SEC63: variants seen among roughly 807,000 people sequenced by gnomAD.
SEC63 encodes the protein SEC63 protein translocation regulator.
In SEC63, 56 loss-of-function variants were observed where a neutral mutation model predicts 116.2. The ratio of observed to expected loss-of-function variants is 0.48; its 90% CI spans 0.39 to 0.60. The LOEUF (loss-of-function observed/expected upper bound fraction) is 0.60, where lower values mean the gene tolerates loss of function less well. Ranked by LOEUF, SEC63 falls within the 20% of genes least tolerant of loss-of-function variation. SEC63 has a pLI of 0.00. For missense variants in SEC63, 668 were observed against 900.0 expected, an observed-to-expected ratio of 0.74 and a Z score of 3.30; for synonymous variants, 273 against 294.6, an observed-to-expected ratio of 0.93 and a Z score of 0.75.
At chr6:107,874,188 A>G (rs894500670) in intron 19 of SEC63, among the ~76,000 whole-genome samples, 2 of 152,228 alleles carry the variant, frequency 1.3e-5, no homozygotes, top group East Asian at 3.8e-4. Flanking sequence ...TTGCTTGCCA[A>G]AAACACAAAG....
chr6:107,900,537 A>G (rs1786976742), intron 13 of SEC63, among the ~76,000 whole-genome samples: 1 of 152,080 alleles, frequency 6.6e-6, no homozygotes, highest in Admixed American at 6.6e-5. Flanking sequence ...AGTCCCAGCT[A>G]CTCAGGAGGC....
chr6:107,903,382 T>C (rs1787054086), intron 11 of SEC63, among the ~76,000 whole-genome samples: 1 of 152,002 alleles, frequency 6.6e-6, no homozygotes, highest in South Asian at 2.1e-4. Flanking sequence ...CCCTCATTCT[T>C]TTCCTTCCAT....
intron 17 of SEC63, among the ~76,000 whole-genome samples, chr6:107,882,333 G>A (rs183268778): frequency 1.1e-4 from 17 of 152,194 alleles, no homozygotes; most frequent in East Asian, 5.8e-4. Context: ...AGAAATGGCC[G>A]AGCAGTTTAT....
At chr6:107,939,589 T>C (rs1770329771) in intron 1 of SEC63, among the ~76,000 whole-genome samples, 1 of 151,954 alleles carries the variant, frequency 6.6e-6, no homozygotes, top group African/African-American at 2.4e-5. Context: ...CCATCTCTAC[T>C]AAAAATACAA....
intron 2 of SEC63, among the ~76,000 whole-genome samples, chr6:107,926,360 G>C (rs918964588): frequency 2.0e-5 from 3 of 152,234 alleles, no homozygotes; most frequent in Middle Eastern, 3.4e-3. Flanking sequence ...CACTGAGCAA[G>C]AACTGTTAGA....
intron 4 of SEC63, among the ~76,000 whole-genome samples, chr6:107,914,597 T>C (rs1044558384): frequency 6.6e-6 from 1 of 152,054 alleles, no homozygotes; most frequent in African/African-American, 2.4e-5. Flanking sequence ...CACAGAAAAA[T>C]ACAGGAGCCA....
chr6:107,954,325 ACTGCGGAAGGCCGCAGGGTC>A (rs1770658733), intron 1 of SEC63, among the ~76,000 whole-genome samples: 1 of 151,938 alleles, frequency 6.6e-6, no homozygotes, highest in African/African-American at 2.4e-5. Context: ...GGACACAAAC[ACTGCGGAAGGCCGCAGGGTC>A]CTCTGCCTAG....
intron 7 of SEC63, among the ~76,000 whole-genome samples, chr6:107,909,341 C>T (rs1414078101): frequency 1.3e-5 from 2 of 150,010 alleles, no homozygotes; most frequent in Non-Finnish European, 3.0e-5. Context: ...CATACTACTG[C>T]ACTCCATCCT....
At chr6:107,883,260 C>T (rs2114407081) in intron 16 of SEC63, 114 bp from the exon 17 acceptor site, 2 of 1,285,254 alleles carry the variant, frequency 1.6e-6, no homozygotes, top group Non-Finnish European at 1.1e-6. Context: ...ATGACAATTT[C>T]ACTATTCATA....
rs1017724126 is a variant in SEC63 at position 107,868,407 on chromosome 6, C to T, written c.*3297G>A. The T allele has an allele frequency of 3.9e-5, 6 of 151,986 alleles. No individual in the cohort carries two copies. Among genetic ancestry groups the T allele is most frequent in the Admixed American group, 6.6e-5 (1 of 15,246 alleles). 9.4% of individuals were successfully genotyped at this position (151,986 alleles called of 1,614,324 possible). A position where few individuals can be genotyped will look rare whatever the true frequency, so the allele number is the denominator to read the frequency against. The stretch of plus-strand genomic sequence containing the variant: ...CAGGCTGGACAACGTGGCAAAATCC[C>T]ATCTCTACTAAAAATTAAAAAATTA... On this transcript the variant is annotated 3_prime_UTR_variant, in exon 21 of 21. Coordinates refer to ENST00000369002, the MANE Select transcript of SEC63 (RefSeq NM_007214.5).
chr6:107,910,381 T>C (rs972728587), intron 7 of SEC63, among the ~76,000 whole-genome samples: 1 of 152,020 alleles, frequency 6.6e-6, no homozygotes, highest in African/African-American at 2.4e-5. Flanking sequence ...GTGGGAGGAT[T>C]TGCTTGAACC....
chr6:107,906,812 T>C lies in SEC63; in HGVS notation c.734-35A>G, dbSNP rs775658064. ...CAAAAGAAATATGAAGGTAAATAAA[T>C]ATGCTCATTCATTAATTCCCCCTCC... On this transcript the variant is annotated intron_variant, in intron 8 of 20. Coordinates refer to ENST00000369002, the MANE Select transcript of SEC63 (RefSeq NM_007214.5). 4.7e-6 allele frequency: 7 copies of C among 1,476,606 alleles called. No individual in the cohort carries two copies. The South Asian group carries it at 7.9e-5, about 17-fold the overall frequency. The allele number at this position is 1,476,606 out of a possible 1,614,324, so 91.5% of individuals were successfully genotyped here.
rs1486879684 is a variant in SEC63 at position 107,958,159 on chromosome 6, G to A, written c.-150C>T. 23 of 1,240,060 alleles carry A rather than the reference G, an allele frequency of 1.9e-5. No homozygotes were observed. The highest frequency in any genetic ancestry group is 2.5e-5 in the Non-Finnish European group (22 of 882,936). 76.8% of individuals were successfully genotyped at this position (1,240,060 alleles called of 1,614,324 possible). A position where few individuals can be genotyped will look rare whatever the true frequency, so the allele number is the denominator to read the frequency against. On this transcript the variant is annotated 5_prime_UTR_variant, in exon 1 of 21. Coordinates refer to ENST00000369002, the MANE Select transcript of SEC63 (RefSeq NM_007214.5). The stretch of plus-strand genomic sequence containing the variant: ...GCCCCCACGCCACTCTCACGGACAC[G>A]CCGCCGCCACCTCTGCCGCTGCCGC...
At position 107,878,167 on chromosome 6, in the gene SEC63, T is replaced by C. The variant is rs146987887; in HGVS notation, c.1936-1505A>G. The stretch of plus-strand genomic sequence containing the variant: ...ACAAAAACAGGAAGGCAGCCAGATC[T>C]GGCCTGCAGACTGCAGTTTGACAAT... On this transcript the variant is annotated intron_variant, in intron 18 of 20. Coordinates refer to ENST00000369002, the MANE Select transcript of SEC63 (RefSeq NM_007214.5). Among the ~76,000 whole-genome samples the C allele has an allele frequency of 2.5e-3, 382 of 152,370 alleles. 1 individual carries two copies. The highest frequency in any genetic ancestry group is 8.6e-3 in the African/African-American group (358 of 41,594).
rs1366550155 is a variant in SEC63 at position 107,906,486 on chromosome 6, T to A, written c.923A>T (p.His308Leu). The A allele has an allele frequency of 6.2e-7, 1 of 1,614,094 alleles. No individual in the cohort carries two copies. Among genetic ancestry groups the A allele is most frequent in the South Asian group, 1.1e-5 (1 of 91,078 alleles). ...CTCAGGAATTTTCATTCTAGCAAGA[T>A]GAGACAGTAAAAGAACTCTGGCCTT... ...SLKARVLLLS[H>L]LARMKIPETL... The change falls in exon 10 of 21, where the codon CAT (histidine) becomes CTT (leucine). Residue 308 changes from histidine to leucine, a missense_variant. Around this residue, in one of 5 missense-constraint regions of SEC63, gnomAD observed 430 missense variants for 557.5 expected, o/e 0.77. Transcript: ENST00000369002.
At chr6:107,949,079 A>C (rs1352006845) in intron 1 of SEC63, among the ~76,000 whole-genome samples, 1 of 152,224 alleles carries the variant, frequency 6.6e-6, no homozygotes, top group African/African-American at 2.4e-5. Context: ...GCAAAAGGGA[A>C]GTTTCCCTTG....
intron 1 of SEC63, among the ~76,000 whole-genome samples, chr6:107,950,740 T>TA (rs1462388897): frequency 5.6e-4 from 85 of 152,268 alleles, no homozygotes; most frequent in Middle Eastern, 3.4e-3. Context: ...TTTGAAAAAG[T>TA]AAGGTTAAGT....
intron 16 of SEC63, among the ~76,000 whole-genome samples, chr6:107,885,979 G>C (rs1380604277): frequency 6.6e-6 from 1 of 151,984 alleles, no homozygotes; most frequent in Non-Finnish European, 1.5e-5. Context: ...ATCTACATTA[G>C]GTATTTCTAC....
rs749789797 is a variant in SEC63, at chr6:107,904,687, T to A, written c.996A>T (p.Leu332=). ...AGATTACATTAACCATTTCTTGAAG[T>A]AGGGCAGGACACTTTTTTAGCATGA... ...QQFMLKKCPA[L]LQEMVNVICQ... The change falls in exon 11 of 21, where the codon CTA becomes CTT. Residue 332 remains leucine, a synonymous_variant. Transcript: ENST00000369002. 1 of 1,613,926 alleles carries A rather than the reference T, an allele frequency of 6.2e-7. No individual in the cohort carries two copies. Among genetic ancestry groups the A allele is most frequent in the Admixed American group, 1.7e-5 (1 of 60,018 alleles).
Sources: allele counts gnomAD v4.1 joint callset (sites outside exome capture counted in the v4.1 genomes callset), GRCh38; gene constraint gnomAD v4.1.1; regional missense constraint gnomAD v4.1.1; transcripts MANE v1.5; gene names NCBI Gene and HGNC (gene_info 2026-07-23, HGNC 2026-07-21).